The following RTN3 variants were observed in gnomAD, a reference collection of about 807,000 sequenced individuals.
RTN3 encodes reticulon 3, also known as reticulon-3.
RTN3 carries 49 observed loss-of-function variants against 77.8 expected under a neutral mutation model. The ratio of observed to expected loss-of-function variants is 0.63; its 90% confidence interval spans 0.50 to 0.80. The LOEUF (loss-of-function observed/expected upper bound fraction) is 0.80, where lower values mean the gene tolerates loss of function less well. Ranked by LOEUF, RTN3 falls within the 30% of genes least tolerant of loss-of-function variation. The pLI is 0.00. For missense variants in RTN3, 1,236 were observed against 1,211.9 expected, an observed-to-expected ratio of 1.02 and a Z score of -0.29; for synonymous variants, 464 against 446.9, an observed-to-expected ratio of 1.04 and a Z score of -0.48.
Position 63,752,530 on chromosome 11 carries a change from C to T in RTN3, c.2762C>T (p.Thr921Ile). The change falls in exon 5 of 9, where the codon ACT becomes ATT. Residue 921 changes from threonine to isoleucine, a missense_variant. Thr to Ile is a moderately conservative substitution (Grantham distance 89, BLOSUM62 -1). This residue lies in a region of RTN3 where 141 missense variants were observed against 154.9 expected (regional missense o/e 0.91). Transcript: ENST00000377819. Reference protein sequence around the residue: ...PFKAYLDVDITLSSEAFHNYM... With the variant: ...PFKAYLDVDIILSSEAFHNYM... ...AGAGCCTACCTGGACGTAGACATTA[C>T]TCTGTCCTCAGAAGCTTTCCATAAT... 6.2e-7 allele frequency: 1 copy of T among 1,613,522 alleles called. No homozygotes were observed. Among genetic ancestry groups the T allele is most frequent in the Non-Finnish European group, 8.5e-7 (1 of 1,179,416 alleles).
At chr11:63,741,125 A>T (rs931098229) in intron 3 of RTN3, among the ~76,000 whole-genome samples, 1 of 152,148 alleles carries the variant, frequency 6.6e-6, no homozygotes, top group Non-Finnish European at 1.5e-5. Flanking sequence ...CTAGGTAGGG[A>T]TCCATGGCCA....
chr11:63,685,078 A>G (rs1373218637), intron 1 of RTN3, among the ~76,000 whole-genome samples: 1 of 152,182 alleles, frequency 6.6e-6, no homozygotes, highest in East Asian at 1.9e-4. Context: ...CTTATCTTAA[A>G]TGCTTATCCA....
chr11:63,692,085 C>T (rs1309000360), intron 1 of RTN3, among the ~76,000 whole-genome samples: 3 of 152,212 alleles, frequency 2.0e-5, no homozygotes, highest in East Asian at 1.9e-4. Flanking sequence ...TGCAGTGGCG[C>T]GATCTTGGCT....
intron 3 of RTN3, among the ~76,000 whole-genome samples, chr11:63,730,239 T>C (rs1445552412): frequency 6.6e-6 from 1 of 152,186 alleles, no homozygotes; most frequent in Non-Finnish European, 1.5e-5. Context: ...AGTGCTGGGA[T>C]CATAGGCGTG....
chr11:63,741,010 A>G (rs1452967938), intron 3 of RTN3, among the ~76,000 whole-genome samples: 1 of 152,116 alleles, frequency 6.6e-6, no homozygotes, highest in Non-Finnish European at 1.5e-5. Context: ...TGTCTTGTCC[A>G]AAATCACAGA....
chr11:63,737,039 A>G (rs1055161710), intron 3 of RTN3, among the ~76,000 whole-genome samples: 2 of 150,784 alleles, frequency 1.3e-5, no homozygotes, highest in African/African-American at 4.9e-5. Flanking sequence ...CAGTTTTGCA[A>G]TCCTAGCTCA....
intron 2 of RTN3, among the ~76,000 whole-genome samples, chr11:63,715,179 G>T (rs1169902991): frequency 1.3e-5 from 2 of 152,104 alleles, no homozygotes; most frequent in African/African-American, 4.8e-5. Flanking sequence ...CCTCTGTGTT[G>T]TAAGCTCCAT....
chr11:63,714,271 A>G lies in RTN3; in HGVS notation c.200-4431A>G, dbSNP rs753392941. 2.9e-5 allele frequency: 10 copies of G among 346,746 alleles called. No individual in the cohort carries two copies. The East Asian group carries it at 6.8e-4, about 23-fold the overall frequency. 21.5% of individuals were successfully genotyped at this position (346,746 alleles called of 1,614,324 possible). ...TGATGATGCTACCTTATTTTTCTAC[A>G]TGTGGGAAAGCTTGATTGATAGTAA... is the stretch of plus-strand genomic sequence containing the variant. On this transcript the variant is annotated intron_variant, in intron 2 of 8. Transcript: ENST00000377819.
chr11:63,687,803 A>G (rs1222218298), intron 1 of RTN3, among the ~76,000 whole-genome samples: 2 of 152,180 alleles, frequency 1.3e-5, no homozygotes, highest in Non-Finnish European at 2.9e-5. Context: ...GTAGGTTACA[A>G]ACTACTTGCA....
Position 63,718,863 on chromosome 11 carries a change from C to T in RTN3, c.361C>T (p.His121Tyr). Reference sequence around the variant, plus strand: ...TATTTTAGCCAAAGAAGGAAAAGACCACTTGGATCTTCTAGATATGAAAAA... The same window carrying T: ...TATTTTAGCCAAAGAAGGAAAAGACTACTTGGATCTTCTAGATATGAAAAA... ...QPILAKEGKD[H>Y]LDLLDMKKME... The change falls in exon 3 of 9, where the codon CAC becomes TAC. Residue 121 changes from histidine (H) to tyrosine (Y), a missense_variant. By Grantham distance (83) the His-to-Tyr change is moderately conservative. This residue lies in a region of RTN3 where 1,056 missense variants were observed against 990.4 expected (regional missense o/e 1.07). Coordinates refer to ENST00000377819, the MANE Select transcript of RTN3 (RefSeq NM_001265589.2). 1.2e-6 allele frequency: 2 copies of T among 1,614,006 alleles called. No homozygotes were observed. Among genetic ancestry groups the T allele is most frequent in the Non-Finnish European group, 1.7e-6 (2 of 1,179,990 alleles).
chr11:63,721,411 A>G (rs1265370566), intron 3 of RTN3, among the ~76,000 whole-genome samples: 2 of 152,030 alleles, frequency 1.3e-5, no homozygotes, highest in South Asian at 2.1e-4. Context: ...CGTCTCTACT[A>G]AAAATACAGA....
intron 2 of RTN3, among the ~76,000 whole-genome samples, chr11:63,716,529 T>C (rs1372884784): frequency 6.6e-6 from 1 of 152,234 alleles, no homozygotes; most frequent in African/African-American, 2.4e-5. Context: ...TACAACAGTA[T>C]GCAAGAAAGA....
At chr11:63,711,473 T>A (rs1159226025) in intron 2 of RTN3, among the ~76,000 whole-genome samples, 1 of 151,752 alleles carries the variant, frequency 6.6e-6, no homozygotes, top group Non-Finnish European at 1.5e-5. Context: ...CACTGCAGCC[T>A]CAACTTTCCA....
In RTN3 at chr11:63,720,440, A is replaced by G. The variant is rs2011682868; in HGVS notation, c.1938A>G (p.Ile646Met). The G allele has an allele frequency of 6.2e-7, 1 of 1,613,520 alleles. No homozygotes were observed. The highest frequency in any genetic ancestry group is 1.1e-5 in the South Asian group (1 of 91,004). Residue 646 changes from isoleucine (I) to methionine (M), a missense_variant, in exon 3 of 9, where the codon ATA becomes ATG. Physicochemically the swap from Ile to Met is conservative, Grantham distance 10. This residue lies in a region of RTN3 where 1,056 missense variants were observed against 990.4 expected (regional missense o/e 1.07). Coordinates refer to ENST00000377819, the MANE Select transcript of RTN3 (RefSeq NM_001265589.2). ...ESLHGKNVKH[I>M]DDSSPEDLIA... Reference sequence around the variant, plus strand: ...TACATGGGAAAAATGTTAAACATATAGATGATTCCTCCCCAGAGGACCTGA... The same window carrying G: ...TACATGGGAAAAATGTTAAACATATGGATGATTCCTCCCCAGAGGACCTGA...
At chr11:63,726,861 GA>G (rs984758400) in intron 3 of RTN3, among the ~76,000 whole-genome samples, 2 of 135,432 alleles carry the variant, frequency 1.5e-5, no homozygotes, top group African/African-American at 5.5e-5. Flanking sequence ...GACTCCGTCT[GA>G]AAAAAAAAAA....
chr11:63,753,540 C>T, intron 6 of RTN3, 122 bp from the exon 7 acceptor site: 1 of 878,964 alleles, frequency 1.1e-6, no homozygotes, highest in East Asian at 2.5e-5. Context: ...CAGGATTTCT[C>T]ATTTTGAGGA....
intron 3 of RTN3, 56 bp downstream of exon 3, chr11:63,721,088 C>G (rs1339787192): frequency 8.3e-6 from 12 of 1,450,138 alleles, no homozygotes; most frequent in Admixed American, 2.2e-5. Context: ...GATTACTTAT[C>G]AGCGTGCCAT....
At chr11:63,710,517 A>G (rs1268863634) in intron 2 of RTN3, among the ~76,000 whole-genome samples, 2 of 152,116 alleles carry the variant, frequency 1.3e-5, no homozygotes, top group Admixed American at 1.3e-4. Context: ...TGTACTTTAG[A>G]ATTAGTATAT....
intron 3 of RTN3, among the ~76,000 whole-genome samples, chr11:63,730,041 A>C (rs2134962539): frequency 6.6e-6 from 1 of 152,246 alleles, no homozygotes; most frequent in East Asian, 1.9e-4. Context: ...ATCTCAGCTC[A>C]CTGCAACCTC....
Sources: allele counts gnomAD v4.1 joint callset (sites outside exome capture counted in the v4.1 genomes callset), GRCh38; gene constraint gnomAD v4.1.1; regional missense constraint gnomAD v4.1.1; transcripts MANE v1.5; gene names NCBI Gene and HGNC (gene_info 2026-07-23, HGNC 2026-07-21).